Variants in PCDHA4 observed in about 807,000 individuals in gnomAD.
The protein encoded by PCDHA4 is protocadherin alpha-4.
PCDHA4 carries 49 observed loss-of-function variants against 61.4 expected under a neutral mutation model. The observed-to-expected ratio is 0.80, with a 90% CI of 0.63 to 1.01. The LOEUF (loss-of-function observed/expected upper bound fraction) is 1.01. Among genes scored for constraint, PCDHA4 ranks in the 50% least tolerant of loss-of-function variants. The pLI, the probability that PCDHA4 is intolerant of heterozygous loss-of-function variation, is 0.00. For missense variants in PCDHA4, 1,254 were observed against 1,235.8 expected, an observed-to-expected ratio of 1.01 and a Z score of -0.22; for synonymous variants, 590 against 550.3, an observed-to-expected ratio of 1.07 and a Z score of -1.01.
rs2150168616 is a variant in PCDHA4, at chr5:140,829,481, G to A, written c.2385+19909G>A. On this transcript the variant is annotated intron_variant, in intron 1 of 3. Coordinates refer to ENST00000530339, the MANE Select transcript of PCDHA4 (RefSeq NM_018907.4). ...CGCGCAGCCCGAGTACACAGTGTTC[G>A]TGAAGGAGAACAACCCGCCGGGCTG... 4.6e-5 allele frequency: 75 copies of A among 1,613,668 alleles called. No homozygotes were observed. The highest frequency in any genetic ancestry group is 1.7e-4 in the Middle Eastern group (1 of 5,788).
At chr5:140,906,993 C>T (rs1361320380) in intron 1 of PCDHA4, among the ~76,000 whole-genome samples, 1 of 152,146 alleles carries the variant, frequency 6.6e-6, no homozygotes, top group African/African-American at 2.4e-5. Flanking sequence ...CAGCATTCCT[C>T]CCTCTGGAAC....
Position 140,982,561 on chromosome 5 carries a change from C to T in PCDHA4, c.2531C>T (p.Pro844Leu), listed in dbSNP as rs560422677. 11 of 1,614,060 alleles carry T rather than the reference C, an allele frequency of 6.8e-6. No individual in the cohort carries two copies. Among genetic ancestry groups the T allele is most frequent in the Non-Finnish European group, 9.3e-6 (11 of 1,179,970 alleles). Residue 844 changes from proline to leucine, a missense_variant and splice_region_variant, in exon 3 of 4, where the codon CCA becomes CTA. Pro to Leu is a moderately conservative substitution (Grantham distance 98). Coordinates refer to ENST00000530339, the MANE Select transcript of PCDHA4 (RefSeq NM_018907.4). Reference protein sequence around the residue: ...QQWPTVSSATPEPEAGEVSPP... With the variant: ...QQWPTVSSATLEPEAGEVSPP... ...TGGCCAACAGTATCCAGTGCAACAC[C>T]AGGTAAAGAGCTGGGGTCTCTCCAT...
intron 3 of PCDHA4, among the ~76,000 whole-genome samples, chr5:140,985,873 G>C (rs1210347898): frequency 1.3e-5 from 2 of 151,280 alleles, no homozygotes; most frequent in Non-Finnish European, 2.9e-5. Flanking sequence ...CTGAGTAGCT[G>C]GGACTACAGG....
At chr5:141,009,205 A>G (rs1325707221) in intron 3 of PCDHA4, among the ~76,000 whole-genome samples, 8 of 152,192 alleles carry the variant, frequency 5.3e-5, no homozygotes, top group Non-Finnish European at 1.2e-4. Flanking sequence ...CTATGATTCC[A>G]ACACTTTGGG....
At chr5:140,999,795 T>C (rs1222111677) in intron 3 of PCDHA4, among the ~76,000 whole-genome samples, 3 of 152,224 alleles carry the variant, frequency 2.0e-5, no homozygotes, top group Non-Finnish European at 4.4e-5. Context: ...GGCAGAGTTA[T>C]TTTGGGCACA....
intron 1 of PCDHA4, chr5:140,869,028 G>C: frequency 1.3e-6 from 2 of 1,526,584 alleles, no homozygotes; most frequent in Non-Finnish European, 1.8e-6. Flanking sequence ...AATTCAACGA[G>C]ATTTTTAACC....
Position 140,889,022 on chromosome 5 carries a change from G to A in PCDHA4, c.2385+79450G>A, listed in dbSNP as rs183317307. Among the ~76,000 whole-genome samples the A allele has an allele frequency of 5.5e-3, 837 of 151,922 alleles. 11 individuals are homozygous for A. The highest frequency in any genetic ancestry group is 0.019 in the African/African-American group (781 of 41,426). ...TGGCAAACCAACCTCTACTTCCTTG[G>A]ATAACCGTAATTTGATTATAATTTA... On this transcript the variant is annotated intron_variant, in intron 1 of 3. Coordinates refer to ENST00000530339, the MANE Select transcript of PCDHA4 (RefSeq NM_018907.4).
intron 1 of PCDHA4, among the ~76,000 whole-genome samples, chr5:140,946,631 T>TATACATACAC (rs57893927): frequency 7.6e-6 from 1 of 131,846 alleles, no homozygotes; most frequent in Non-Finnish European, 1.5e-5. Context: ...TATATATATA[T>TATACATACAC]ACAATGGAAT....
intron 1 of PCDHA4, chr5:140,823,918 C>A (rs2150130330): frequency 1.9e-6 from 3 of 1,614,018 alleles, no homozygotes; most frequent in Non-Finnish European, 2.5e-6. Flanking sequence ...GCTCACGCTG[C>A]TGCTGTACAC....
chr5:140,850,369 G>T, intron 1 of PCDHA4: 1 of 1,597,922 alleles, frequency 6.3e-7, no homozygotes, highest in Non-Finnish European at 8.6e-7. Context: ...TTCCGCGTGG[G>T]GCTGTACACG....
chr5:140,827,859 T>C (rs1769432236), intron 1 of PCDHA4: 1 of 511,426 alleles, frequency 2.0e-6, no homozygotes, highest in South Asian at 3.9e-5. Context: ...TAAAAATATA[T>C]GGTATAGCAC....
intron 1 of PCDHA4, among the ~76,000 whole-genome samples, chr5:140,932,458 G>T (rs1316450984): frequency 6.6e-6 from 1 of 151,710 alleles, no homozygotes; most frequent in African/African-American, 2.4e-5. Flanking sequence ...TTTTGCCAGG[G>T]TATATAGGAA....
intron 1 of PCDHA4, among the ~76,000 whole-genome samples, chr5:140,826,937 T>A (rs1769122740): frequency 6.6e-6 from 1 of 152,164 alleles, no homozygotes; most frequent in African/African-American, 2.4e-5. Context: ...CTTAGGTGGA[T>A]GTGGAATAAG....
chr5:140,970,834 T>C lies in PCDHA4; in HGVS notation c.2386-8115T>C, dbSNP rs566411727. 8.6e-5 allele frequency among the ~76,000 whole-genome samples: 13 copies of C among 151,290 alleles called. No homozygotes were observed. The South Asian group carries it at 1.2e-3, about 14-fold the overall frequency. ...AAGTTCATGGTAATCTTGAGGAATG[T>C]AATGCACAGGCACAAAAGTTCCATT... On this transcript the variant is annotated intron_variant, in intron 1 of 3. Transcript: ENST00000530339.
chr5:140,856,933 C>A (rs1554149303), intron 1 of PCDHA4: 5 of 1,593,874 alleles, frequency 3.1e-6, no homozygotes, highest in East Asian at 4.5e-5. Flanking sequence ...TTTGGATAAA[C>A]GAAAGGACGG....
intron 1 of PCDHA4, among the ~76,000 whole-genome samples, chr5:140,925,197 A>G (rs1259349657): frequency 1.3e-5 from 2 of 152,310 alleles, no homozygotes; most frequent in East Asian, 3.9e-4. Context: ...CCCAGCTTCA[A>G]TAATTATCGA....
At chr5:140,884,433 G>C in intron 1 of PCDHA4, 1 of 1,613,908 alleles carries the variant, frequency 6.2e-7, no homozygotes, top group Non-Finnish European at 8.5e-7. Context: ...ACTGCGCTGC[G>C]GTGCTCGGCA....
In PCDHA4 at chr5:140,929,377, C is replaced by G. The variant is rs1436728913; in HGVS notation, c.2386-49572C>G. 3 of 1,514,232 alleles carry G rather than the reference C, an allele frequency of 2.0e-6. No homozygotes were observed. In the African/African-American group the frequency reaches 4.2e-5, roughly 21 times the overall value. The allele number at this position is 1,514,232 out of a possible 1,614,324, so 93.8% of individuals were successfully genotyped here. Reference sequence around the variant, plus strand: ...CCTTTGGCCCGGAGATGGCTGCTAGCTGTGTTTTGAAATATTTCTTAGACA... The same window carrying G: ...CCTTTGGCCCGGAGATGGCTGCTAGGTGTGTTTTGAAATATTTCTTAGACA... On this transcript the variant is annotated intron_variant, in intron 1 of 3. Coordinates refer to ENST00000530339, the MANE Select transcript of PCDHA4 (RefSeq NM_018907.4).
intron 1 of PCDHA4, chr5:140,823,068 G>T (rs2150121914): frequency 3.1e-6 from 5 of 1,614,034 alleles, no homozygotes; most frequent in South Asian, 1.1e-5. Flanking sequence ...ACGGGGGCTC[G>T]CCTTCGCTGT....
Sources: gnomAD v4.1 joint callset for allele counts (sites outside exome capture counted in the v4.1 genomes callset) on GRCh38, gnomAD v4.1.1 for gene constraint, MANE v1.5 for transcripts, NCBI Gene and HGNC (gene_info 2026-07-23, HGNC 2026-07-21) for gene names.